The following WWC2 variants were observed in gnomAD, a reference collection of about 807,000 sequenced individuals.
WWC2 encodes protein WWC2.
WWC2 carries 101 observed loss-of-function variants against 138.5 expected under a neutral mutation model. The observed-to-expected ratio is 0.73, with a 90% CI of 0.62 to 0.86. The LOEUF (loss-of-function observed/expected upper bound fraction) is 0.86. Among genes scored for constraint, WWC2 ranks in the 40% least tolerant of loss-of-function variants. The pLI is 0.00. For synonymous variants in WWC2, 558 were observed against 538.4 expected (o/e 1.04, Z -0.50); for missense variants, 1,420 against 1,419.4 (o/e 1.00, Z -0.01).
chr4:183,308,892 A>C (rs906643879), intron 21 of WWC2, among the ~76,000 whole-genome samples: 2 of 152,316 alleles, frequency 1.3e-5, no homozygotes, highest in South Asian at 4.1e-4. Context: ...TGGTTGGTTG[A>C]ATCCATGGAT....
At chr4:183,123,216 A>C (rs541982355) in intron 1 of WWC2, among the ~76,000 whole-genome samples, 2 of 152,322 alleles carry the variant, frequency 1.3e-5, no homozygotes, top group South Asian at 4.2e-4. Context: ...ATTGTAGCTT[A>C]ATTTGTAAAC....
intron 4 of WWC2, among the ~76,000 whole-genome samples, chr4:183,220,646 A>C (rs376098592): frequency 6.8e-4 from 103 of 152,156 alleles, no homozygotes; most frequent in African/African-American, 2.3e-3. Context: ...CATCCTGGCT[A>C]ACACAGTGAA....
intron 8 of WWC2, among the ~76,000 whole-genome samples, chr4:183,252,560 G>T (rs568978456): frequency 1.3e-5 from 2 of 152,150 alleles, no homozygotes; most frequent in African/African-American, 4.8e-5. Context: ...TTTGCCTTTG[G>T]TGCATTTTCC....
At chr4:183,191,073 A>G (rs79128774) in intron 1 of WWC2, among the ~76,000 whole-genome samples, 4,305 of 151,946 alleles carry the variant, frequency 0.028, 212 homozygotes, top group African/African-American at 0.096. Context: ...TCAAACAGTG[A>G]TACAGAGGGT....
At chr4:183,104,473 T>C (rs1743288431) in intron 1 of WWC2, among the ~76,000 whole-genome samples, 1 of 152,164 alleles carries the variant, frequency 6.6e-6, no homozygotes, top group Non-Finnish European at 1.5e-5. Flanking sequence ...ACATTTTGAG[T>C]AATAGTATAA....
chr4:183,280,707 A>G, intron 16 of WWC2, 69 bp from the exon 17 acceptor site: 2 of 1,490,962 alleles, frequency 1.3e-6, no homozygotes, highest in Non-Finnish European at 1.8e-6. Flanking sequence ...GTAAATTCCC[A>G]TCTGCTGAGT....
At chr4:183,305,569 C>T (rs1292825301) in intron 21 of WWC2, among the ~76,000 whole-genome samples, 1 of 152,116 alleles carries the variant, frequency 6.6e-6, no homozygotes, top group Non-Finnish European at 1.5e-5. Flanking sequence ...TGTGACTCTT[C>T]CTGAGAAATC....
chr4:183,146,280 G>A (rs1733457741), intron 1 of WWC2, among the ~76,000 whole-genome samples: 1 of 152,036 alleles, frequency 6.6e-6, no homozygotes, highest in African/African-American at 2.4e-5. Context: ...CATTTTCATC[G>A]TCGGCTTTAG....
At chr4:183,293,963 AAGC>A (rs1183841328) in intron 21 of WWC2, among the ~76,000 whole-genome samples, 21 of 152,260 alleles carry the variant, frequency 1.4e-4, no homozygotes, top group Non-Finnish European at 2.4e-4. Flanking sequence ...AGGGGTCTGT[AAGC>A]TTTTCCTATA....
At chr4:183,189,788 G>GT (rs1182190111) in intron 1 of WWC2, among the ~76,000 whole-genome samples, 4 of 152,150 alleles carry the variant, frequency 2.6e-5, no homozygotes, top group African/African-American at 7.2e-5. Context: ...AACCTGAAAT[G>GT]TTTTTTTTAA....
intron 1 of WWC2, among the ~76,000 whole-genome samples, chr4:183,112,153 T>C (rs904534702): frequency 4.6e-5 from 7 of 152,232 alleles, no homozygotes; most frequent in Admixed American, 6.5e-5. Flanking sequence ...CTATTGTAGA[T>C]TGAAAGACTA....
chr4:183,271,197 T>C lies in WWC2; in HGVS notation c.2518T>C (p.Ser840Pro), dbSNP rs1430511262. The change falls in exon 16 of 23, where the codon TCT (serine) becomes CCT (proline). Residue 840 changes from serine (S) to proline (P), a missense_variant. By Grantham distance (74) the Ser-to-Pro change is moderately conservative. Coordinates refer to ENST00000403733, the MANE Select transcript of WWC2 (RefSeq NM_024949.6). Reference sequence around the variant, plus strand: ...CAAAAAGAATGAAGAAAATGAGGACTCTGTATTTCAACCAAACCAGCCGTT... The same window carrying C: ...CAAAAAGAATGAAGAAAATGAGGACCCTGTATTTCAACCAAACCAGCCGTT... ...PCKKNEENEDSVFQPNQPLVD... is the reference protein window; with the variant it reads ...PCKKNEENEDPVFQPNQPLVD... The C allele has an allele frequency of 6.8e-6, 11 of 1,613,204 alleles. No homozygotes were observed. Among genetic ancestry groups the C allele is most frequent in the Admixed American group, 1.7e-5 (1 of 59,938 alleles).
chr4:183,210,752 G>C (rs1735573388), intron 4 of WWC2, among the ~76,000 whole-genome samples: 1 of 152,140 alleles, frequency 6.6e-6, no homozygotes, highest in Admixed American at 6.5e-5. Flanking sequence ...CTACAAACCT[G>C]TACCGTATGA....
chr4:183,147,471 T>A (rs894960924), intron 1 of WWC2, among the ~76,000 whole-genome samples: 2 of 152,188 alleles, frequency 1.3e-5, no homozygotes, highest in African/African-American at 4.8e-5. Flanking sequence ...CCTTCAGTCA[T>A]GGGTGAGAAG....
chr4:183,301,478 A>G (rs925905762), intron 21 of WWC2, among the ~76,000 whole-genome samples: 25 of 152,200 alleles, frequency 1.6e-4, no homozygotes, highest in Admixed American at 1.6e-3. Flanking sequence ...GGAAAAAGAC[A>G]CTGTGTGATG....
intron 14 of WWC2, 149 bp downstream of exon 14, chr4:183,266,100 G>A (rs751436928): frequency 2.8e-6 from 2 of 725,122 alleles, no homozygotes; most frequent in Non-Finnish European, 4.5e-6. Context: ...AGATAAAGAT[G>A]AGAAGGGAAA....
chr4:183,283,824 A>T (rs143985146), intron 18 of WWC2, among the ~76,000 whole-genome samples: 2 of 152,300 alleles, frequency 1.3e-5, no homozygotes, highest in East Asian at 3.9e-4. Context: ...TTATTTGGAA[A>T]ACAATGTAAT....
intron 20 of WWC2, 78 bp from the exon 21 acceptor site, chr4:183,289,315 G>A: frequency 1.3e-6 from 2 of 1,527,246 alleles, no homozygotes; most frequent in Non-Finnish European, 1.8e-6. Context: ...CATCCATCAT[G>A]CGCCAGGAAG....
rs1362686287 is a variant in WWC2 at position 183,209,144 on chromosome 4, T to C, written c.522+119T>C. The C allele has an allele frequency of 3.2e-5, 21 of 658,702 alleles. No individual in the cohort carries two copies. In the Admixed American group the frequency reaches 4.5e-4, roughly 14 times the overall value. The allele number at this position is 658,702 out of a possible 1,614,324, so 40.8% of individuals were successfully genotyped here. A position where few individuals can be genotyped will look rare whatever the true frequency, so the allele number is the denominator to read the frequency against. ...TTGGTGTAGAAAACTCCTCCCCTTA[T>C]CTCTGATGAGTGGTCCTTCTACCTT... On this transcript the variant is annotated intron_variant, in intron 4 of 22. Coordinates refer to ENST00000403733, the MANE Select transcript of WWC2 (RefSeq NM_024949.6).
Sources: gnomAD v4.1 joint callset for allele counts (sites outside exome capture counted in the v4.1 genomes callset) on GRCh38, gnomAD v4.1.1 for gene constraint, MANE v1.5 for transcripts, NCBI Gene and HGNC (gene_info 2026-07-23, HGNC 2026-07-21) for gene names.